Variants in NAALADL2 observed in about 807,000 individuals in gnomAD.
NAALADL2 encodes the protein inactive N-acetylated-alpha-linked acidic dipeptidase-like protein 2.
Under a neutral mutation model 87.2 loss-of-function variants are expected in NAALADL2, and 76 were observed. That is an observed-to-expected ratio of 0.87 (90% CI 0.72 to 1.05). NAALADL2 has a LOEUF of 1.05. Ranked by LOEUF, NAALADL2 falls within the 50% of genes least tolerant of loss-of-function variation. The pLI, the probability that NAALADL2 is intolerant of heterozygous loss-of-function variation, is 0.00. For synonymous variants in NAALADL2, 354 were observed against 331.0 expected, an observed-to-expected ratio of 1.07 and a Z score of -0.75; for missense variants, 1,089 against 945.8, an observed-to-expected ratio of 1.15 and a Z score of -1.99.
chr3:174,442,947 C>T (rs909806127), intron 1 of NAALADL2, among the ~76,000 whole-genome samples: 1 of 152,020 alleles, frequency 6.6e-6, no homozygotes, highest in Non-Finnish European at 1.5e-5. Context: ...GTGCAGAGGC[C>T]GGGCACATTG....
At chr3:174,454,479 A>G (rs1353354727) in intron 1 of NAALADL2, among the ~76,000 whole-genome samples, 2 of 152,156 alleles carry the variant, frequency 1.3e-5, no homozygotes, top group Non-Finnish European at 2.9e-5. Flanking sequence ...AGTCGACCAC[A>G]TAATCAGCCC....
chr3:174,745,592 GGCA>G (rs1478556077), intron 3 of NAALADL2, among the ~76,000 whole-genome samples: 3 of 152,062 alleles, frequency 2.0e-5, no homozygotes, highest in Non-Finnish European at 4.4e-5. Flanking sequence ...ATCTTATGAT[GGCA>G]GCAGCATCCT....
intron 8 of NAALADL2, among the ~76,000 whole-genome samples, chr3:175,468,239 C>G (rs1029951545): frequency 2.0e-5 from 3 of 152,008 alleles, no homozygotes; most frequent in Non-Finnish European, 2.9e-5. Context: ...CATCAAGATT[C>G]ACACACTGCA....
intron 11 of NAALADL2, among the ~76,000 whole-genome samples, chr3:175,718,870 A>G (rs1415703158): frequency 6.6e-6 from 1 of 151,628 alleles, no homozygotes; most frequent in Non-Finnish European, 1.5e-5. Flanking sequence ...AAACAAACAA[A>G]AAACAAAAAA....
intron 3 of NAALADL2, among the ~76,000 whole-genome samples, chr3:174,817,165 C>T (rs1720900007): frequency 6.6e-6 from 1 of 152,070 alleles, no homozygotes; most frequent in Non-Finnish European, 1.5e-5. Context: ...CTAGATAATC[C>T]ACAGGGATCA....
chr3:175,697,751 A>C (rs941300631), intron 11 of NAALADL2, among the ~76,000 whole-genome samples: 13 of 147,546 alleles, frequency 8.8e-5, no homozygotes, highest in African/African-American at 3.2e-4. Context: ...ATACACACAC[A>C]TGTAAATGTA....
At chr3:174,683,003 A>G (rs1382877585) in intron 2 of NAALADL2, among the ~76,000 whole-genome samples, 3 of 152,204 alleles carry the variant, frequency 2.0e-5, no homozygotes, top group Non-Finnish European at 4.4e-5. Flanking sequence ...AGGAAACTCA[A>G]AGACATTTAA....
intron 2 of NAALADL2, among the ~76,000 whole-genome samples, chr3:174,603,992 C>T (rs1247175804): frequency 6.6e-6 from 1 of 152,090 alleles, no homozygotes; most frequent in African/African-American, 2.4e-5. Flanking sequence ...TATGGTCTAT[C>T]CTTGAGGATG....
At chr3:175,459,074 G>T (rs911754122) in intron 6 of NAALADL2, among the ~76,000 whole-genome samples, 3 of 151,758 alleles carry the variant, frequency 2.0e-5, no homozygotes, top group African/African-American at 7.3e-5. Flanking sequence ...CTGGACCACA[G>T]GCCAAAATAA....
rs549611714 is a variant in NAALADL2, at chr3:175,444,801, C to A, written c.1091-2428C>A. Among the ~76,000 whole-genome samples, 4 of 152,244 alleles carry A rather than the reference C, an allele frequency of 2.6e-5. No homozygotes were observed. The East Asian group carries it at 5.8e-4, about 22-fold the overall frequency. ...GGGAGCAATGAAATTATGAGGCCAG[C>A]ACTGCTCTTATATAACAAAATGGAT... On this transcript the variant is annotated intron_variant, in intron 5 of 13. Coordinates refer to ENST00000454872, the MANE Select transcript of NAALADL2 (RefSeq NM_207015.3).
rs1749819150 is a variant in NAALADL2 at position 175,773,686 on chromosome 3, A to C, written c.2189+18268A>C. The C allele has an allele frequency of 2.6e-5, 4 of 152,104 alleles. No homozygotes were observed. In the South Asian group the frequency reaches 8.3e-4, roughly 31 times the overall value. The allele number at this position is 152,104 out of a possible 1,614,324, so 9.4% of individuals were successfully genotyped here. On this transcript the variant is annotated intron_variant, in intron 13 of 13. Transcript: ENST00000454872. Reference sequence around the variant, plus strand: ...TCATCTTAAAGTGATAATCAGAAAAACGTTTGCTGAGAGATCTTTGAGACT... The same window carrying C: ...TCATCTTAAAGTGATAATCAGAAAACCGTTTGCTGAGAGATCTTTGAGACT...
At chr3:174,845,999 G>A (rs1419730728) in intron 3 of NAALADL2, among the ~76,000 whole-genome samples, 1 of 152,144 alleles carries the variant, frequency 6.6e-6, no homozygotes, top group Admixed American at 6.5e-5. Context: ...ATACGATGGG[G>A]GTTTCTGCTC....
intron 3 of NAALADL2, among the ~76,000 whole-genome samples, chr3:175,240,969 A>C (rs1746763676): frequency 6.6e-6 from 1 of 151,962 alleles, no homozygotes; most frequent in Admixed American, 6.6e-5. Flanking sequence ...CCCAGGTTTG[A>C]AGTTTTTTAA....
At chr3:175,562,031 A>T (rs1054498609) in intron 9 of NAALADL2, among the ~76,000 whole-genome samples, 3 of 152,190 alleles carry the variant, frequency 2.0e-5, no homozygotes, top group African/African-American at 7.2e-5. Context: ...CAAATTCAAC[A>T]CAAAGTCTCA....
intron 2 of NAALADL2, among the ~76,000 whole-genome samples, chr3:175,191,253 T>A (rs1738154027): frequency 6.6e-6 from 1 of 152,074 alleles, no homozygotes; most frequent in Non-Finnish European, 1.5e-5. Flanking sequence ...ATGTAAATTA[T>A]TTTTTTAAAA....
intron 1 of NAALADL2, among the ~76,000 whole-genome samples, chr3:174,968,582 C>G (rs1050059258): frequency 1.3e-5 from 2 of 152,000 alleles, no homozygotes; most frequent in African/African-American, 4.8e-5. Context: ...CAGGTTTAAG[C>G]AATTCTCCTG....
At chr3:175,383,652 C>T (rs1768040504) in intron 5 of NAALADL2, among the ~76,000 whole-genome samples, 1 of 151,860 alleles carries the variant, frequency 6.6e-6, no homozygotes, top group East Asian at 1.9e-4. Context: ...GATTCAAGGG[C>T]CCAGCTGGTA....
chr3:174,746,662 C>T (rs541965647), intron 3 of NAALADL2, among the ~76,000 whole-genome samples: 1 of 152,186 alleles, frequency 6.6e-6, no homozygotes, highest in East Asian at 1.9e-4. Context: ...GGAGGTATCA[C>T]ATTACCTGAC....
At chr3:174,913,938 T>A (rs557803995) in intron 1 of NAALADL2, among the ~76,000 whole-genome samples, 1 of 152,184 alleles carries the variant, frequency 6.6e-6, no homozygotes, top group East Asian at 1.9e-4. Context: ...AGTCCCAGCC[T>A]AAGAAAAACA....
Sources: allele counts gnomAD v4.1 joint callset (sites outside exome capture counted in the v4.1 genomes callset), GRCh38; gene constraint gnomAD v4.1.1; transcripts MANE v1.5; gene names NCBI Gene and HGNC (gene_info 2026-07-23, HGNC 2026-07-21).